TMEM117: variants seen among roughly 807,000 people sequenced by gnomAD.
TMEM117 encodes the protein transmembrane protein 117.
In TMEM117, 27 loss-of-function variants were observed where a neutral mutation model predicts 52.4. The ratio of observed to expected loss-of-function variants is 0.51; its 90% CI spans 0.38 to 0.71. TMEM117 has a LOEUF of 0.71. Ranked by LOEUF, TMEM117 falls within the 30% of genes least tolerant of loss-of-function variation. The pLI is 0.00. For missense variants in TMEM117, 556 were observed against 630.5 expected (o/e 0.88, Z 1.26); for synonymous variants, 215 against 206.3 (o/e 1.04, Z -0.36).
chr12:43,852,006 A>G (rs1565718929), intron 2 of TMEM117, among the ~76,000 whole-genome samples: 1 of 152,198 alleles, frequency 6.6e-6, no homozygotes, highest in Admixed American at 6.5e-5. Flanking sequence ...TGTAGAGTAT[A>G]ACATTTAACC....
intron 2 of TMEM117, among the ~76,000 whole-genome samples, chr12:43,924,452 TA>T: frequency 6.6e-6 from 1 of 152,314 alleles, no homozygotes; most frequent in African/African-American, 2.4e-5. Context: ...ACAGTAGAGA[TA>T]AAAAATGCCA....
chr12:43,995,003 G>A (rs1478757507), intron 3 of TMEM117, among the ~76,000 whole-genome samples: 1 of 152,128 alleles, frequency 6.6e-6, no homozygotes, highest in Non-Finnish European at 1.5e-5. Context: ...TCGGTTGGGT[G>A]TGGTGGCTCA....
chr12:43,928,623 T>A (rs1216886655), intron 2 of TMEM117, among the ~76,000 whole-genome samples: 1 of 152,118 alleles, frequency 6.6e-6, no homozygotes, highest in African/African-American at 2.4e-5. Flanking sequence ...CTTTAAGTTT[T>A]AGGGTACATG....
At chr12:44,202,642 A>G (rs1037497189) in intron 4 of TMEM117, among the ~76,000 whole-genome samples, 20 of 152,212 alleles carry the variant, frequency 1.3e-4, no homozygotes, top group Admixed American at 2.0e-4. Context: ...TGGTATCACA[A>G]TGATGCCGGC....
chr12:44,077,205 C>T (rs906872904), intron 3 of TMEM117, among the ~76,000 whole-genome samples: 1 of 152,152 alleles, frequency 6.6e-6, no homozygotes, highest in African/African-American at 2.4e-5. Flanking sequence ...TCAAATGAGT[C>T]ACATTTCTAT....
intron 4 of TMEM117, among the ~76,000 whole-genome samples, chr12:44,191,648 A>C (rs767417116): frequency 3.9e-5 from 6 of 152,132 alleles, no homozygotes; most frequent in Admixed American, 2.0e-4. Context: ...TATAATAATG[A>C]CCATACATAT....
At chr12:43,883,109 AT>A (rs1592331389) in intron 2 of TMEM117, among the ~76,000 whole-genome samples, 1 of 152,108 alleles carries the variant, frequency 6.6e-6, no homozygotes, top group East Asian at 1.9e-4. Flanking sequence ...AGAGTTCTAT[AT>A]TTTTGTTCTT....
chr12:44,024,113 T>A (rs1273545655), intron 3 of TMEM117, among the ~76,000 whole-genome samples: 1 of 152,182 alleles, frequency 6.6e-6, no homozygotes, highest in Non-Finnish European at 1.5e-5. Flanking sequence ...CAATGAACTG[T>A]AGACATTTGC....
At chr12:44,371,159 T>A (rs1383201512) in intron 6 of TMEM117, among the ~76,000 whole-genome samples, 1 of 152,202 alleles carries the variant, frequency 6.6e-6, no homozygotes, top group Admixed American at 6.5e-5. Flanking sequence ...CACTGTCATC[T>A]GAAATTCGGT....
chr12:44,229,778 C>G (rs1223019420), intron 5 of TMEM117, among the ~76,000 whole-genome samples: 1 of 152,056 alleles, frequency 6.6e-6, no homozygotes, highest in African/African-American at 2.4e-5. Flanking sequence ...CAAGTGTTAG[C>G]TTTAACTACA....
At chr12:44,033,760 C>T (rs952399367) in intron 3 of TMEM117, among the ~76,000 whole-genome samples, 1 of 152,166 alleles carries the variant, frequency 6.6e-6, no homozygotes, top group African/African-American at 2.4e-5. Context: ...TTTTTCTCTT[C>T]AAGGAGGACT....
At chr12:44,172,171 T>A (rs1949055534) in intron 4 of TMEM117, among the ~76,000 whole-genome samples, 1 of 152,330 alleles carries the variant, frequency 6.6e-6, no homozygotes, top group African/African-American at 2.4e-5. Flanking sequence ...GGATTGCACA[T>A]TCTGTTATTT....
At chr12:43,821,222 A>C in the TMEM117 span, among the ~76,000 whole-genome samples, 4 of 152,218 alleles carry the variant, frequency 2.6e-5, no homozygotes, top group Non-Finnish European at 5.9e-5. Context: ...TTTTAATCCA[A>C]TACCCTTATT....
chr12:43,797,143 A>G, the TMEM117 span: 2 of 1,516,716 alleles, frequency 1.3e-6, no homozygotes, highest in Non-Finnish European at 1.8e-6. Flanking sequence ...ATCAATACAT[A>G]AACTTCATAA....
chr12:43,935,080 T>C (rs1944929719), intron 2 of TMEM117, among the ~76,000 whole-genome samples: 1 of 152,186 alleles, frequency 6.6e-6, no homozygotes. Flanking sequence ...TGATCATGGC[T>C]CACTGCAGCC....
At chr12:44,148,328 T>C (rs1261774271) in intron 4 of TMEM117, among the ~76,000 whole-genome samples, 1 of 152,216 alleles carries the variant, frequency 6.6e-6, no homozygotes, top group Non-Finnish European at 1.5e-5. Context: ...TAAAAATGCT[T>C]TTGGATTAAT....
At chr12:44,142,781 G>T (rs1294672314) in intron 3 of TMEM117, among the ~76,000 whole-genome samples, 2 of 152,076 alleles carry the variant, frequency 1.3e-5, no homozygotes, top group African/African-American at 4.8e-5. Flanking sequence ...CGAGTTATGT[G>T]ATCTGAGTCC....
At chr12:43,956,594 A>C (rs1464437997) in intron 3 of TMEM117, among the ~76,000 whole-genome samples, 1 of 151,990 alleles carries the variant, frequency 6.6e-6, no homozygotes, top group African/African-American at 2.4e-5. Flanking sequence ...GCAAATCAAA[A>C]CCACAATGAG....
chr12:43,894,045 G>T (rs963009090), intron 2 of TMEM117, among the ~76,000 whole-genome samples: 1 of 152,168 alleles, frequency 6.6e-6, no homozygotes, highest in Non-Finnish European at 1.5e-5. Context: ...CCTCTTAAAG[G>T]CCAGGTCTGG....
Sources: allele counts gnomAD v4.1 joint callset (sites outside exome capture counted in the v4.1 genomes callset), GRCh38; gene constraint gnomAD v4.1.1; transcripts MANE v1.5; gene names NCBI Gene and HGNC (gene_info 2026-07-23, HGNC 2026-07-21).